Variants in SECISBP2L observed in about 807,000 individuals in gnomAD.
SECISBP2L encodes selenocysteine insertion sequence-binding protein 2-like.
SECISBP2L carries 43 observed loss-of-function variants against 114.7 expected under a neutral mutation model. The observed-to-expected ratio is 0.38, with a 90% CI of 0.29 to 0.48. SECISBP2L has a LOEUF of 0.48. Among genes scored for constraint, SECISBP2L ranks in the 20% least tolerant of loss-of-function variants. The pLI is 0.98. For synonymous variants in SECISBP2L, 451 were observed against 439.7 expected (o/e 1.03, Z -0.32); for missense variants, 1,136 against 1,301.1 (o/e 0.87, Z 1.95).
At chr15:49,044,363 ATTAAG>A (rs1460276148) in intron 1 of SECISBP2L, among the ~76,000 whole-genome samples, 5 of 152,212 alleles carry the variant, frequency 3.3e-5, no homozygotes, top group African/African-American at 1.2e-4. Context: ...CCAATCTACT[ATTAAG>A]TTAATGGTTC....
intron 17 of SECISBP2L, among the ~76,000 whole-genome samples, 169 bp downstream of exon 17, chr15:48,996,198 C>T (rs1035913092): frequency 2.6e-5 from 4 of 152,080 alleles, no homozygotes; most frequent in African/African-American, 7.2e-5. Flanking sequence ...AGTCTCAGTC[C>T]CAAATATTCT....
At chr15:49,010,782 G>A (rs568125818) in intron 13 of SECISBP2L, among the ~76,000 whole-genome samples, 2 of 152,312 alleles carry the variant, frequency 1.3e-5, no homozygotes, top group Admixed American at 6.5e-5. Flanking sequence ...AAAGTGTTGG[G>A]ATTATAGGCG....
intron 1 of SECISBP2L, among the ~76,000 whole-genome samples, chr15:49,039,718 T>C (rs1384416565): frequency 2.0e-5 from 3 of 151,502 alleles, no homozygotes; most frequent in African/African-American, 7.3e-5. Context: ...AATGTAGAGA[T>C]GGGGTTTTGC....
intron 4 of SECISBP2L, among the ~76,000 whole-genome samples, chr15:49,029,735 C>T (rs1436307084): frequency 6.6e-6 from 1 of 152,148 alleles, no homozygotes; most frequent in Admixed American, 6.5e-5. Flanking sequence ...TTCACAGGTA[C>T]TTAATAGACA....
At chr15:48,996,298 A>G in intron 17 of SECISBP2L, 69 bp downstream of exon 17, 2 of 1,369,514 alleles carry the variant, frequency 1.5e-6, no homozygotes, top group Admixed American at 2.1e-5. Context: ...TAAAAATAAA[A>G]GGTAGAATAG....
At position 49,016,921 on chromosome 15, in the gene SECISBP2L, T is replaced by C. The variant is rs1232205796; in HGVS notation, c.1346A>G (p.Lys449Arg). Residue 449 changes from lysine (K) to arginine (R), a missense_variant, in exon 10 of 18, where the codon AAG becomes AGG. Physicochemically the swap from Lys to Arg is conservative, Grantham distance 26. This residue lies in a region of SECISBP2L where 684 missense variants were observed against 848.7 expected (regional missense o/e 0.81). Transcript: ENST00000559471. ...GGCAAGGGCTGCTGCTAAAGCTTTCTTCTTCTGACTTTTTGCACGTTTGGG... is the reference window on the plus strand; with the variant it reads ...GGCAAGGGCTGCTGCTAAAGCTTTCCTCTTCTGACTTTTTGCACGTTTGGG... ...SVPKRAKSQK[K>R]KALAAALATA... 3.1e-6 allele frequency: 5 copies of C among 1,613,984 alleles called. No individual in the cohort carries two copies. The highest frequency in any genetic ancestry group is 4.2e-6 in the Non-Finnish European group (5 of 1,179,974).
chr15:49,002,399 T>C (rs1174489619), intron 14 of SECISBP2L, among the ~76,000 whole-genome samples: 1 of 152,234 alleles, frequency 6.6e-6, no homozygotes. Flanking sequence ...ATCGTATAGG[T>C]TGCCTATTCA....
At position 48,999,804 on chromosome 15, in the gene SECISBP2L, G is replaced by C. The variant is rs777762857; in HGVS notation, c.2403+29C>G. 20 of 1,607,586 alleles carry C rather than the reference G, an allele frequency of 1.2e-5. 1 individual carries two copies. The Admixed American group carries it at 3.2e-4, about 26-fold the overall frequency. On this transcript the variant is annotated intron_variant, in intron 16 of 17. Coordinates refer to ENST00000559471, the MANE Select transcript of SECISBP2L (RefSeq NM_001193489.2). ...TGCTATCTGGGGGATGTGCTGGAGA[G>C]CAAGAGTGTGTGTCTTCTAAATTCT...
In SECISBP2L at chr15:48,990,374, G is replaced by C. The variant is rs911684189; in HGVS notation, c.*1870C>G. ...ACCAACGAACACTTCCAAATGTGTAGAGACAGTAAGATCTGCCATGTATAA... is the reference window on the plus strand; with the variant it reads ...ACCAACGAACACTTCCAAATGTGTACAGACAGTAAGATCTGCCATGTATAA... On this transcript the variant is annotated 3_prime_UTR_variant, in exon 18 of 18. Coordinates refer to ENST00000559471, the MANE Select transcript of SECISBP2L (RefSeq NM_001193489.2). The C allele has an allele frequency of 2.0e-5, 3 of 152,384 alleles. No individual in the cohort carries two copies. Among genetic ancestry groups the C allele is most frequent in the Non-Finnish European group, 4.4e-5 (3 of 68,042 alleles). The allele number at this position is 152,384 out of a possible 1,614,324, so 9.4% of individuals were successfully genotyped here.
chr15:49,019,417 C>T lies in SECISBP2L; in HGVS notation c.1170+1G>A. ...TTACAAATAGAGTTTGAAAAAAATA[C>T]CTCAAAATATAAAGACTCAGAATTT... On this transcript the variant is annotated splice_donor_variant, in intron 8 of 17. Coordinates refer to ENST00000559471, the MANE Select transcript of SECISBP2L (RefSeq NM_001193489.2). LOFTEE classifies it high-confidence loss of function. The T allele has an allele frequency of 7.0e-7, 1 of 1,427,476 alleles. No homozygotes were observed. 88.4% of individuals were successfully genotyped at this position (1,427,476 alleles called of 1,614,324 possible).
chr15:49,022,091 T>C (rs1902648857), intron 7 of SECISBP2L, among the ~76,000 whole-genome samples: 1 of 152,164 alleles, frequency 6.6e-6, no homozygotes, highest in African/African-American at 2.4e-5. Context: ...AAAGAAAACT[T>C]TACAACACTT....
chr15:49,006,479 CGATTT>C (rs1425179700), intron 14 of SECISBP2L, among the ~76,000 whole-genome samples: 1 of 152,050 alleles, frequency 6.6e-6, no homozygotes, highest in Non-Finnish European at 1.5e-5. Flanking sequence ...CTTGTCTTCA[CGATTT>C]ATTTCATTAA....
intron 7 of SECISBP2L, among the ~76,000 whole-genome samples, chr15:49,023,235 T>G (rs2141076067): frequency 6.6e-6 from 1 of 152,276 alleles, no homozygotes; most frequent in African/African-American, 2.4e-5. Flanking sequence ...CAAACTGATT[T>G]TAAAATGTAC....
At chr15:49,003,620 C>A (rs1483652020) in intron 14 of SECISBP2L, among the ~76,000 whole-genome samples, 2 of 152,156 alleles carry the variant, frequency 1.3e-5, no homozygotes, top group Non-Finnish European at 2.9e-5. Context: ...TCCATCAATA[C>A]CTAGTTTATT....
chr15:49,021,783 G>C (rs2141075204), intron 7 of SECISBP2L, among the ~76,000 whole-genome samples: 1 of 152,160 alleles, frequency 6.6e-6, no homozygotes, highest in Admixed American at 6.5e-5. Context: ...CCAAACTAAT[G>C]GTCCCAACAA....
At chr15:48,997,182 A>T (rs549329308) in intron 16 of SECISBP2L, among the ~76,000 whole-genome samples, 2 of 152,194 alleles carry the variant, frequency 1.3e-5, no homozygotes, top group Non-Finnish European at 2.9e-5. Context: ...AGCTACAGAC[A>T]TAAGAAAAGT....
chr15:49,040,637 G>C (rs897251155), intron 1 of SECISBP2L, among the ~76,000 whole-genome samples: 1 of 133,740 alleles, frequency 7.5e-6, no homozygotes, highest in African/African-American at 2.7e-5. Context: ...CAGGGTTCAC[G>C]CCATTCTCCT....
In SECISBP2L at chr15:48,988,713, AC is replaced by A. The variant is rs1901909546; in HGVS notation, c.*3530del. 4.7e-6 allele frequency: 2 copies of A among 421,204 alleles called. No individual in the cohort carries two copies. The highest frequency in any genetic ancestry group is 1.7e-5 in the South Asian group (1 of 58,672). 26.1% of individuals were successfully genotyped at this position (421,204 alleles called of 1,614,324 possible). A position where few individuals can be genotyped will look rare whatever the true frequency, so the allele number is the denominator to read the frequency against. The stretch of plus-strand genomic sequence containing the variant: ...TACATAGTGCAAAAAAGCTGTTATT[AC>A]CCCCCAAATGTGATATAACAATTAT... On this transcript the variant is annotated 3_prime_UTR_variant, in exon 18 of 18. Transcript: ENST00000559471.
chr15:49,021,800 T>C (rs571753283), intron 7 of SECISBP2L, among the ~76,000 whole-genome samples: 3 of 152,288 alleles, frequency 2.0e-5, no homozygotes, highest in East Asian at 3.9e-4. Context: ...ACAAAGTTCA[T>C]GTGAGCCAAA....
Sources: gnomAD v4.1 joint callset for allele counts (sites outside exome capture counted in the v4.1 genomes callset) on GRCh38, gnomAD v4.1.1 for gene constraint, gnomAD v4.1.1 regional missense constraint, MANE v1.5 for transcripts, NCBI Gene and HGNC (gene_info 2026-07-23, HGNC 2026-07-21) for gene names.